The following ACER3 variants were observed in gnomAD, a reference collection of about 807,000 sequenced individuals.
ACER3 encodes the protein alkCDase 3.
ACER3 carries 16 observed loss-of-function variants against 48.9 expected under a neutral mutation model. That is an observed-to-expected ratio of 0.33 (90% CI 0.22 to 0.50). The LOEUF (loss-of-function observed/expected upper bound fraction) is 0.50. ACER3 is among the 20% of genes least tolerant of loss of function. The pLI, the probability that ACER3 is intolerant of heterozygous loss-of-function variation, is 0.98. For synonymous variants in ACER3, 109 were observed against 107.8 expected (o/e 1.01, Z -0.07); for missense variants, 227 against 326.0 (o/e 0.70, Z 2.34).
chr11:76,862,487 A>G (rs1165211843), intron 1 of ACER3, among the ~76,000 whole-genome samples: 1 of 152,204 alleles, frequency 6.6e-6, no homozygotes, highest in Non-Finnish European at 1.5e-5. Context: ...GCGCTTTACC[A>G]GTTTGTTGTT....
intron 2 of ACER3, among the ~76,000 whole-genome samples, chr11:76,937,922 C>T (rs1565188490): frequency 6.6e-6 from 1 of 152,106 alleles, no homozygotes; most frequent in African/African-American, 2.4e-5. Context: ...CGTTTATTTA[C>T]TATATGTTTA....
At chr11:76,939,526 G>T (rs1240251979) in intron 2 of ACER3, among the ~76,000 whole-genome samples, 1 of 152,188 alleles carries the variant, frequency 6.6e-6, no homozygotes, top group East Asian at 1.9e-4. Context: ...AGTCGAGGAG[G>T]TAGAGGCTGC....
At chr11:77,016,881 T>C in intron 9 of ACER3, 102 bp downstream of exon 9, 1 of 584,102 alleles carries the variant, frequency 1.7e-6, no homozygotes, top group Non-Finnish European at 2.8e-6. Context: ...ACTAGAAAAT[T>C]CACAAACATG....
chr11:76,944,533 A>T (rs1170251721), intron 2 of ACER3, among the ~76,000 whole-genome samples: 4 of 151,818 alleles, frequency 2.6e-5, no homozygotes, highest in African/African-American at 9.7e-5. Flanking sequence ...ATGCCATTCC[A>T]TTCTCTTCTG....
At chr11:76,979,514 G>T (rs753134402) in intron 4 of ACER3, among the ~76,000 whole-genome samples, 1 of 152,060 alleles carries the variant, frequency 6.6e-6, no homozygotes, top group Non-Finnish European at 1.5e-5. Context: ...TTAGCCAGGC[G>T]TGGTGATGTG....
At chr11:76,927,543 T>G (rs960803051) in intron 2 of ACER3, among the ~76,000 whole-genome samples, 3 of 152,152 alleles carry the variant, frequency 2.0e-5, no homozygotes, top group African/African-American at 7.2e-5. Flanking sequence ...ATGTGCCATG[T>G]TGGTGTGCTG....
chr11:76,887,091 C>T (rs1371502215), intron 1 of ACER3, among the ~76,000 whole-genome samples: 1 of 148,534 alleles, frequency 6.7e-6, no homozygotes, highest in East Asian at 1.9e-4. Flanking sequence ...CATAGTGAAA[C>T]CCTGTCTCTA....
In ACER3 at chr11:77,022,868, CAAAAAAAA is replaced by C. The variant is rs10565723; in HGVS notation, c.*2558_*2565del. On this transcript the variant is annotated 3_prime_UTR_variant, in exon 11 of 11. Coordinates refer to ENST00000532485, the MANE Select transcript of ACER3 (RefSeq NM_018367.7). ...ATGGTGGCAGAGCGAGACTCCGTCT[CAAAAAAAA>C]AAAAAAAAAAAAAAAAGAAAAGAAA... is the stretch of plus-strand genomic sequence containing the variant. The C allele has an allele frequency of 3.6e-6, 1 of 276,176 alleles. No individual in the cohort carries two copies. Among genetic ancestry groups the C allele is most frequent in the African/African-American group, 2.4e-5 (1 of 41,414 alleles). The allele number at this position is 276,176 out of a possible 1,614,324, so 17.1% of individuals were successfully genotyped here. A position where few individuals can be genotyped will look rare whatever the true frequency, so the allele number is the denominator to read the frequency against.
intron 1 of ACER3, among the ~76,000 whole-genome samples, chr11:76,904,105 G>A (rs1029122232): frequency 2.0e-5 from 3 of 152,104 alleles, no homozygotes; most frequent in African/African-American, 7.2e-5. Context: ...TCGTGCCTCA[G>A]TCTCCCAAGT....
At chr11:76,887,211 A>C (rs1945695110) in intron 1 of ACER3, among the ~76,000 whole-genome samples, 1 of 152,108 alleles carries the variant, frequency 6.6e-6, no homozygotes, top group Non-Finnish European at 1.5e-5. Context: ...CCATGATCAT[A>C]GTCACTGCAT....
intron 1 of ACER3, among the ~76,000 whole-genome samples, chr11:76,896,044 GA>G (rs1945920235): frequency 6.6e-6 from 1 of 152,194 alleles, no homozygotes; most frequent in Admixed American, 6.5e-5. Flanking sequence ...TAAGACCTGG[GA>G]AAACCCTGGA....
chr11:76,970,901 C>T (rs1948280904), intron 3 of ACER3, among the ~76,000 whole-genome samples: 1 of 152,116 alleles, frequency 6.6e-6, no homozygotes, highest in Non-Finnish European at 1.5e-5. Context: ...TCCAACAACC[C>T]CTGACAATCA....
intron 1 of ACER3, among the ~76,000 whole-genome samples, chr11:76,874,813 T>G (rs1034323073): frequency 2.0e-5 from 3 of 152,206 alleles, no homozygotes; most frequent in African/African-American, 7.2e-5. Flanking sequence ...TTTCTCCTTT[T>G]CTCCCTCCCT....
chr11:76,881,398 TTTTG>T (rs2134576064), intron 1 of ACER3, among the ~76,000 whole-genome samples: 2 of 152,294 alleles, frequency 1.3e-5, no homozygotes, highest in East Asian at 3.9e-4. Context: ...CTAGCTTTTT[TTTTG>T]TTCTTCTGCA....
intron 7 of ACER3, among the ~76,000 whole-genome samples, chr11:77,012,148 G>A (rs1391779190): frequency 1.2e-4 from 18 of 152,010 alleles, no homozygotes; most frequent in South Asian, 4.1e-4. Flanking sequence ...AGCCAGGCGC[G>A]GTGGCTCATG....
At chr11:76,897,204 G>A (rs868274674) in intron 1 of ACER3, among the ~76,000 whole-genome samples, 4 of 152,112 alleles carry the variant, frequency 2.6e-5, no homozygotes, top group South Asian at 2.1e-4. Flanking sequence ...TGATCTGCCC[G>A]TTTCAGCCAC....
At chr11:76,913,540 TC>T (rs142333174) in intron 1 of ACER3, among the ~76,000 whole-genome samples, 60,640 of 151,864 alleles carry the variant, frequency 0.4, 14,825 homozygotes, top group Non-Finnish European at 0.56. Context: ...TTGAGATACG[TC>T]CCATCAATAC....
intron 2 of ACER3, among the ~76,000 whole-genome samples, chr11:76,951,910 G>A (rs1026158323): frequency 1.3e-5 from 2 of 152,158 alleles, no homozygotes; most frequent in East Asian, 1.9e-4. Flanking sequence ...TTTAAAAGCT[G>A]TATGGGCAAA....
chr11:76,960,135 G>T (rs1947948908), intron 3 of ACER3, among the ~76,000 whole-genome samples: 1 of 152,136 alleles, frequency 6.6e-6, no homozygotes, highest in Non-Finnish European at 1.5e-5. Context: ...ATTTGGCTGG[G>T]CGCGGTGGCT....
Sources: gnomAD v4.1 joint callset for allele counts (sites outside exome capture counted in the v4.1 genomes callset) on GRCh38, gnomAD v4.1.1 for gene constraint, MANE v1.5 for transcripts, NCBI Gene and HGNC (gene_info 2026-07-23, HGNC 2026-07-21) for gene names.